SORCS2: variants seen among roughly 807,000 people sequenced by gnomAD.
SORCS2 encodes the protein sortilin related VPS10 domain containing receptor 2, also known as VPS10 domain-containing receptor SorCS2.
A neutral mutation model predicts 141.6 loss-of-function variants in SORCS2; 100 were observed. The observed-to-expected ratio is 0.71, with a 90% CI of 0.60 to 0.83. The LOEUF is 0.83. Among genes scored for constraint, SORCS2 ranks in the 40% least tolerant of loss-of-function variants. The pLI is 0.00. For synonymous variants in SORCS2, 789 were observed against 676.9 expected (o/e 1.17, Z -2.57); for missense variants, 1,646 against 1,560.2 (o/e 1.05, Z -0.93).
chr4:7,651,377 A>T (rs1041041519), intron 4 of SORCS2, among the ~76,000 whole-genome samples: 1 of 152,148 alleles, frequency 6.6e-6, no homozygotes, highest in African/African-American at 2.4e-5. Flanking sequence ...CCAGGTGAGG[A>T]TGGGAGCCCA....
chr4:7,697,241 C>T lies in SORCS2; in HGVS notation c.1635C>T (p.Tyr545=), dbSNP rs765492177. Residue 545 remains tyrosine (Y), a synonymous_variant, in exon 12 of 27, where the codon TAC becomes TAT. Coordinates refer to ENST00000507866, the MANE Select transcript of SORCS2 (RefSeq NM_020777.3). ...TGGTGGAATATAAAGAAGAAATGTA[C>T]ATCACGTCAGACTGTGGTCACACCT... The part of the protein sequence containing the change: ...SQLVEYKEEM[Y]ITSDCGHTWR... 2.5e-6 allele frequency: 4 copies of T among 1,591,694 alleles called. No homozygotes were observed. Among genetic ancestry groups the T allele is most frequent in the East Asian group, 4.5e-5 (2 of 43,958 alleles).
At chr4:7,236,895 A>G (rs1169900101) in intron 1 of SORCS2, among the ~76,000 whole-genome samples, 1 of 152,136 alleles carries the variant, frequency 6.6e-6, no homozygotes, top group African/African-American at 2.4e-5. Context: ...TTATTGTTTT[A>G]ATGCTGTCTC....
chr4:7,246,080 G>C (rs1397514775), intron 1 of SORCS2, among the ~76,000 whole-genome samples: 1 of 152,228 alleles, frequency 6.6e-6, no homozygotes, highest in South Asian at 2.1e-4. Flanking sequence ...TGAGACTCCA[G>C]TTTAAGGGGG....
chr4:7,295,150 C>T (rs1281278625), intron 1 of SORCS2, among the ~76,000 whole-genome samples: 2 of 49,870 alleles, frequency 4.0e-5, no homozygotes, highest in Non-Finnish European at 8.2e-5. Context: ...TCCTCTCCCT[C>T]CTCCTCCCTT....
intron 1 of SORCS2, among the ~76,000 whole-genome samples, chr4:7,264,410 G>C (rs545794937): frequency 6.6e-6 from 1 of 152,252 alleles, no homozygotes; most frequent in East Asian, 1.9e-4. Context: ...GCAGGTGTGG[G>C]CATCTGTCCC....
intron 4 of SORCS2, among the ~76,000 whole-genome samples, chr4:7,641,546 A>G (rs955750214): frequency 1.3e-5 from 2 of 152,188 alleles, no homozygotes; most frequent in African/African-American, 2.4e-5. Flanking sequence ...AGGTAACTCT[A>G]TCTTTGTGAA....
intron 3 of SORCS2, among the ~76,000 whole-genome samples, chr4:7,588,492 A>T (rs970939159): frequency 3.3e-5 from 5 of 152,292 alleles, no homozygotes; most frequent in East Asian, 3.9e-4. Context: ...AAGGTCAGGG[A>T]AGCCACAGCA....
chr4:7,209,525 G>A (rs1213100153), intron 1 of SORCS2, among the ~76,000 whole-genome samples: 1 of 152,188 alleles, frequency 6.6e-6, no homozygotes, highest in African/African-American at 2.4e-5. Flanking sequence ...GCTGGCTTCT[G>A]TGGCCGGCTC....
At chr4:7,235,229 C>T (rs565337511) in intron 1 of SORCS2, among the ~76,000 whole-genome samples, 12 of 152,354 alleles carry the variant, frequency 7.9e-5, no homozygotes, top group African/African-American at 2.4e-4. Flanking sequence ...CTTGTGCAGC[C>T]GCACCAGTTA....
At chr4:7,654,998 A>C (rs953289570) in intron 5 of SORCS2, among the ~76,000 whole-genome samples, 1 of 152,084 alleles carries the variant, frequency 6.6e-6, no homozygotes, top group Non-Finnish European at 1.5e-5. Context: ...TGTCTGTGGG[A>C]TGCATCTATG....
At chr4:7,439,276 A>G (rs569274546) in intron 2 of SORCS2, among the ~76,000 whole-genome samples, 1 of 152,224 alleles carries the variant, frequency 6.6e-6, no homozygotes, top group East Asian at 1.9e-4. Flanking sequence ...GATACTTCCA[A>G]CACTCAGTGC....
At chr4:7,297,734 C>T (rs1717176617) in intron 1 of SORCS2, among the ~76,000 whole-genome samples, 1 of 152,216 alleles carries the variant, frequency 6.6e-6, no homozygotes, top group African/African-American at 2.4e-5. Flanking sequence ...TCATGCAACT[C>T]CAGGAGCAAG....
chr4:7,692,647 G>T (rs1342932173), intron 11 of SORCS2, among the ~76,000 whole-genome samples: 1 of 152,200 alleles, frequency 6.6e-6, no homozygotes, highest in South Asian at 2.1e-4. Context: ...GATGATGACC[G>T]CAGGGCCAGA....
intron 3 of SORCS2, among the ~76,000 whole-genome samples, chr4:7,601,924 C>A (rs1265306530): frequency 3.3e-5 from 5 of 152,130 alleles, no homozygotes; most frequent in African/African-American, 1.2e-4. Flanking sequence ...CATCTTGCAC[C>A]GCCCTTAATC....
chr4:7,246,935 G>A (rs899213133), intron 1 of SORCS2, among the ~76,000 whole-genome samples: 7 of 152,172 alleles, frequency 4.6e-5, no homozygotes, highest in East Asian at 1.9e-4. Flanking sequence ...GGCTCTACCC[G>A]CTTGCCTCCT....
chr4:7,680,719 G>A, intron 9 of SORCS2, among the ~76,000 whole-genome samples: 1 of 152,226 alleles, frequency 6.6e-6, no homozygotes, highest in Non-Finnish European at 1.5e-5. Flanking sequence ...TGATCCCCTT[G>A]GCTCCTGACT....
intron 3 of SORCS2, among the ~76,000 whole-genome samples, chr4:7,534,278 A>G (rs1711920001): frequency 6.6e-6 from 1 of 152,196 alleles, no homozygotes; most frequent in African/African-American, 2.4e-5. Flanking sequence ...GGTGGTGTAG[A>G]GGACAGTGCC....
chr4:7,201,907 G>C lies in SORCS2; in HGVS notation c.480+8781G>C, dbSNP rs1191187726. ...CAGAGATCCCTGGCTCTGGCCACCGGGAGGGCAAGGTCTCCGTCTGTAGCT... is the reference window on the plus strand; with the variant it reads ...CAGAGATCCCTGGCTCTGGCCACCGCGAGGGCAAGGTCTCCGTCTGTAGCT... On this transcript the variant is annotated intron_variant, in intron 1 of 26. Transcript: ENST00000507866. This position sits in a 1 kb window ranked among gnomAD's most constrained non-coding sequence, Gnocchi z 4.4. Among the ~76,000 whole-genome samples, 1 of 152,122 alleles carries C rather than the reference G, an allele frequency of 6.6e-6. No individual in the cohort carries two copies. Among genetic ancestry groups the C allele is most frequent in the Non-Finnish European group, 1.5e-5 (1 of 68,032 alleles).
chr4:7,407,846 AG>A (rs1426599588), intron 2 of SORCS2, among the ~76,000 whole-genome samples: 2 of 152,020 alleles, frequency 1.3e-5, no homozygotes, highest in African/African-American at 4.8e-5. Context: ...AATCTATTAT[AG>A]GTTTTTGCAT....
Sources: allele counts gnomAD v4.1 joint callset (sites outside exome capture counted in the v4.1 genomes callset), GRCh38; gene constraint gnomAD v4.1.1; non-coding constraint Gnocchi (gnomAD v3.1); transcripts MANE v1.5; gene names NCBI Gene and HGNC (gene_info 2026-07-23, HGNC 2026-07-21).